The following SEL1L2 variants were observed in gnomAD, a reference collection of about 807,000 sequenced individuals.
SEL1L2 encodes SEL1L2 adaptor subunit of SYVN1 ubiquitin ligase.
In SEL1L2, 89 loss-of-function variants were observed where a neutral mutation model predicts 98.8. The ratio of observed to expected loss-of-function variants is 0.90; its 90% CI spans 0.76 to 1.07. SEL1L2 has a LOEUF of 1.07. SEL1L2 is among the 50% of genes least tolerant of loss of function. The probability of loss-of-function intolerance (pLI) is 0.00; values close to 1 mark genes in which losing one functional copy is unlikely to be tolerated. For synonymous variants in SEL1L2, 262 were observed against 278.5 expected (o/e 0.94, Z 0.59); for missense variants, 788 against 812.0 (o/e 0.97, Z 0.36).
rs746353560 is a variant in SEL1L2 at position 13,901,071 on chromosome 20, C to CTTTTT, written c.550-12560_550-12559insAAAAA. Reference sequence around the variant, plus strand: ...CTTTTCTTTTTCTTTTTCTTTCTTTCTTTCTTTTTTTTTTTTTGAGACGGA... The same window carrying CTTTTT: ...CTTTTCTTTTTCTTTTTCTTTCTTTCTTTTTTTTCTTTTTTTTTTTTTGAGACGGA... On this transcript the variant is annotated intron_variant, in intron 5 of 19. Transcript: ENST00000284951. Among the ~76,000 whole-genome samples, 68 of 133,288 alleles carry CTTTTT rather than the reference C, an allele frequency of 5.1e-4. 1 individual carries two copies. Among genetic ancestry groups the CTTTTT allele is most frequent in the African/African-American group, 7.5e-4 (27 of 35,820 alleles). The allele number at this position is 133,288 out of a possible 152,430, so 87.4% of individuals were successfully genotyped here.
intron 5 of SEL1L2, among the ~76,000 whole-genome samples, chr20:13,907,686 T>G (rs1362637243): frequency 1.4e-5 from 2 of 147,202 alleles, no homozygotes; most frequent in Non-Finnish European, 3.0e-5. Context: ...CTTTTTCTCT[T>G]TCTTTCTTTC....
intron 10 of SEL1L2, among the ~76,000 whole-genome samples, chr20:13,880,753 G>C (rs977897108): frequency 1.3e-5 from 2 of 151,890 alleles, no homozygotes; most frequent in Non-Finnish European, 2.9e-5. Context: ...AATATATATT[G>C]GTAAGTTTTC....
chr20:13,871,128 A>G (rs243914), intron 12 of SEL1L2, among the ~76,000 whole-genome samples: 150,272 of 152,078 alleles, frequency 0.99, 74,245 homozygotes, highest in East Asian at 1. Flanking sequence ...TCAGGTCTAC[A>G]GAGGTTGACG....
chr20:13,921,948 C>T (rs1318350627), intron 3 of SEL1L2, among the ~76,000 whole-genome samples: 1 of 152,054 alleles, frequency 6.6e-6, no homozygotes, highest in East Asian at 1.9e-4. Context: ...TATAATAGCC[C>T]CTTCTTCTCA....
intron 3 of SEL1L2, among the ~76,000 whole-genome samples, chr20:13,931,296 C>T (rs1011026492): frequency 2.0e-5 from 3 of 151,988 alleles, no homozygotes; most frequent in Non-Finnish European, 4.4e-5. Context: ...TCCCAAAGTG[C>T]TGGGATTACA....
At chr20:13,868,514 C>T (rs930165828) in intron 14 of SEL1L2, among the ~76,000 whole-genome samples, 2 of 152,118 alleles carry the variant, frequency 1.3e-5, no homozygotes, top group Admixed American at 1.3e-4. Context: ...TCCGTTCATG[C>T]CGTTGGCATG....
intron 5 of SEL1L2, among the ~76,000 whole-genome samples, chr20:13,908,673 A>G (rs1374488249): frequency 6.6e-6 from 1 of 152,184 alleles, no homozygotes; most frequent in Non-Finnish European, 1.5e-5. Flanking sequence ...AATTTCCACC[A>G]TTTTCATGAA....
At chr20:13,989,227 C>A (rs964861367) in intron 1 of SEL1L2, among the ~76,000 whole-genome samples, 1 of 152,028 alleles carries the variant, frequency 6.6e-6, no homozygotes, top group African/African-American at 2.4e-5. Flanking sequence ...TTAAGTAGTT[C>A]ATTTTTGATA....
chr20:13,902,266 CATT>C (rs773291799), intron 5 of SEL1L2, among the ~76,000 whole-genome samples: 1 of 152,244 alleles, frequency 6.6e-6, no homozygotes, highest in East Asian at 1.9e-4. Context: ...GCAATGAAGA[CATT>C]ATAATTCTGT....
chr20:13,860,895 G>A (rs534205042), intron 17 of SEL1L2, among the ~76,000 whole-genome samples: 7 of 152,058 alleles, frequency 4.6e-5, no homozygotes, highest in Non-Finnish European at 8.8e-5. Context: ...CCCTACACCC[G>A]TTCCTCCAAA....
intron 2 of SEL1L2, among the ~76,000 whole-genome samples, chr20:13,940,674 C>T (rs1175309129): frequency 6.6e-6 from 1 of 152,186 alleles, no homozygotes; most frequent in Non-Finnish European, 1.5e-5. Context: ...TGGCTCATGC[C>T]TGTAATCCCA....
chr20:13,874,614 T>C (rs2046353980), intron 12 of SEL1L2, among the ~76,000 whole-genome samples: 1 of 152,206 alleles, frequency 6.6e-6, no homozygotes, highest in Non-Finnish European at 1.5e-5. Context: ...AGTCTGCTCT[T>C]CCTTGTCATC....
intron 1 of SEL1L2, among the ~76,000 whole-genome samples, chr20:13,975,739 C>T (rs539671838): frequency 6.6e-6 from 1 of 152,254 alleles, no homozygotes; most frequent in East Asian, 1.9e-4. Context: ...TCTGTAATCA[C>T]GTAGTTAGCA....
At chr20:13,958,684 C>T (rs2050650456) in intron 1 of SEL1L2, among the ~76,000 whole-genome samples, 1 of 151,978 alleles carries the variant, frequency 6.6e-6, no homozygotes, top group Non-Finnish European at 1.5e-5. Flanking sequence ...CGCCTGTAAT[C>T]CCAGCACTTT....
chr20:13,850,118 C>A, intron 19 of SEL1L2, 73 bp downstream of exon 19: 1 of 1,574,924 alleles, frequency 6.3e-7, no homozygotes, highest in Non-Finnish European at 8.7e-7. Context: ...CCTGATGGGC[C>A]TTGTCACTTT....
intron 1 of SEL1L2, among the ~76,000 whole-genome samples, chr20:13,960,208 G>A (rs1337145795): frequency 6.6e-6 from 1 of 152,110 alleles, no homozygotes; most frequent in African/African-American, 2.4e-5. Flanking sequence ...TGTACAGAAC[G>A]TACAGACACA....
intron 1 of SEL1L2, among the ~76,000 whole-genome samples, chr20:13,979,965 A>T (rs953752833): frequency 6.6e-6 from 1 of 152,208 alleles, no homozygotes; most frequent in African/African-American, 2.4e-5. Context: ...ACATTTGATA[A>T]AGGACTAGTA....
At chr20:13,930,825 T>G (rs1326894181) in intron 3 of SEL1L2, among the ~76,000 whole-genome samples, 1 of 152,120 alleles carries the variant, frequency 6.6e-6, no homozygotes. Context: ...TTGCTCTTAT[T>G]AGCAGTGATC....
At position 13,865,171 on chromosome 20, in the gene SEL1L2, A is replaced by G; in HGVS notation, c.1641T>C (p.Ile547=). Residue 547 remains isoleucine (I), a synonymous_variant, in exon 17 of 20, where the codon ATT becomes ATC. Transcript: ENST00000284951. ...ATTTTTATCTGGGTTCCATACCTTG[A>G]ATGGCAGCTCGATTCCATAGGAGAA... The part of the protein sequence containing the change: ...MALLLWNRAA[I]QGNAFARVKI... 6.2e-7 allele frequency: 1 copy of G among 1,611,742 alleles called. No homozygotes were observed. The highest frequency in any genetic ancestry group is 8.5e-7 in the Non-Finnish European group (1 of 1,178,288).
Sources: gnomAD v4.1 joint callset for allele counts (sites outside exome capture counted in the v4.1 genomes callset) on GRCh38, gnomAD v4.1.1 for gene constraint, MANE v1.5 for transcripts, NCBI Gene and HGNC (gene_info 2026-07-23, HGNC 2026-07-21) for gene names.